Variants in LRRC27 observed in about 807,000 individuals in gnomAD.
LRRC27 encodes leucine rich repeat containing 27.
Under a neutral mutation model 55.0 loss-of-function variants are expected in LRRC27, and 57 were observed. The ratio of observed to expected loss-of-function variants is 1.04; its 90% CI spans 0.84 to 1.29. LRRC27 has a LOEUF of 1.29. Ranked by LOEUF, LRRC27 falls within the 50% of genes most tolerant of loss-of-function variation. LRRC27 has a pLI of 0.00. For synonymous variants in LRRC27, 278 were observed against 251.9 expected, an observed-to-expected ratio of 1.10 and a Z score of -0.98; for missense variants, 721 against 651.5, an observed-to-expected ratio of 1.11 and a Z score of -1.16.
intron 5 of LRRC27, among the ~76,000 whole-genome samples, chr10:132,346,273 G>C (rs1328873286): frequency 1.3e-5 from 2 of 150,712 alleles, no homozygotes; most frequent in African/African-American, 2.5e-5. Flanking sequence ...TTAAGTAACT[G>C]GTCAAAAATA....
chr10:132,360,536 G>A (rs999101683), intron 8 of LRRC27, among the ~76,000 whole-genome samples: 9 of 152,148 alleles, frequency 5.9e-5, no homozygotes, highest in Non-Finnish European at 1.2e-4. Flanking sequence ...TGGTGGGGTG[G>A]GAGGGATAGG....
intron 8 of LRRC27, among the ~76,000 whole-genome samples, chr10:132,360,937 C>T (rs937167962): frequency 6.6e-6 from 1 of 152,224 alleles, no homozygotes; most frequent in African/African-American, 2.4e-5. Flanking sequence ...CACATGTGTC[C>T]ACTGGAGGCA....
intron 8 of LRRC27, among the ~76,000 whole-genome samples, 181 bp downstream of exon 8, chr10:132,356,067 C>T (rs1443278948): frequency 6.6e-6 from 1 of 151,304 alleles, no homozygotes; most frequent in Non-Finnish European, 1.5e-5. Context: ...GTGCAGGCTG[C>T]TGGCTGGTGG....
chr10:132,346,986 A>G (rs2698772), intron 5 of LRRC27, among the ~76,000 whole-genome samples: 62,563 of 152,080 alleles, frequency 0.41, 13,197 homozygotes, highest in African/African-American at 0.48. Context: ...CTGGGGTCTC[A>G]CTCAGCCTTC....
intron 6 of LRRC27, chr10:132,349,060 A>G (rs778514431): frequency 1.9e-6 from 3 of 1,600,598 alleles, no homozygotes; most frequent in East Asian, 4.5e-5. Flanking sequence ...TATGGGAGGT[A>G]TGTATCTGTG....
chr10:132,351,944 G>A lies in LRRC27; in HGVS notation c.1073+191G>A, dbSNP rs564888676. Reference sequence around the variant, plus strand: ...TGCCCCTTGTGGTCTGTAGCGCCACGCACGGGCTCGCTTGTTTGCAGCCCT... The same window carrying A: ...TGCCCCTTGTGGTCTGTAGCGCCACACACGGGCTCGCTTGTTTGCAGCCCT... On this transcript the variant is annotated intron_variant, in intron 7 of 10. Transcript: ENST00000368614. 2.5e-4 allele frequency among the ~76,000 whole-genome samples: 38 copies of A among 152,376 alleles called. No individual in the cohort carries two copies. The South Asian group carries it at 6.4e-3, about 26-fold the overall frequency.
At chr10:132,359,115 C>G (rs865977587) in intron 8 of LRRC27, among the ~76,000 whole-genome samples, 4 of 85,094 alleles carry the variant, frequency 4.7e-5, no homozygotes, top group Admixed American at 2.7e-4. Flanking sequence ...GGGGAGGAGC[C>G]GAGGTGGTGG....
At position 132,380,022 on chromosome 10, in the gene LRRC27, T is replaced by C. The variant is rs1473357510; in HGVS notation, c.*4780T>C. On this transcript the variant is annotated 3_prime_UTR_variant, in exon 11 of 11. Transcript: ENST00000368614. ...CCGTAAAGATGCAGCATTGGCCGAG[T>C]GCAGTGGCTCACGCCTGTAATCCCA... 2 of 152,004 alleles carry C rather than the reference T, an allele frequency of 1.3e-5. No homozygotes were observed. Among genetic ancestry groups the C allele is most frequent in the African/African-American group, 4.8e-5 (2 of 41,314 alleles). The allele number at this position is 152,004 out of a possible 1,614,324, so 9.4% of individuals were successfully genotyped here. A position where few individuals can be genotyped will look rare whatever the true frequency, so the allele number is the denominator to read the frequency against.
In LRRC27 at chr10:132,348,096, G is replaced by A. The variant is rs774605504; in HGVS notation, c.666G>A (p.Gly222=). The change falls in exon 6 of 11, where the codon GGG becomes GGA. Residue 222 remains glycine (G), a synonymous_variant. Transcript: ENST00000368614. This position sits in a 1 kb window ranked among gnomAD's most constrained non-coding sequence, Gnocchi z 4.2. The part of the protein sequence containing the change: ...QGAVNAQDPE[G]AVMKEKASFL... ...CTGTGAACGCTCAGGACCCAGAGGGGGCTGTGATGAAAGAGAAGGCCAGCT... is the reference window on the plus strand; with the variant it reads ...CTGTGAACGCTCAGGACCCAGAGGGAGCTGTGATGAAAGAGAAGGCCAGCT... 11 of 1,614,108 alleles carry A rather than the reference G, an allele frequency of 6.8e-6. No individual in the cohort carries two copies. In the Admixed American group the frequency reaches 1.2e-4, roughly 17 times the overall value.
At position 132,380,706 on chromosome 10, in the gene LRRC27, C is replaced by T. The variant is rs986022775; in HGVS notation, c.*5464C>T. Among the ~76,000 whole-genome samples the T allele has an allele frequency of 1.3e-5, 2 of 152,130 alleles. No homozygotes were observed. Among genetic ancestry groups the T allele is most frequent in the African/African-American group, 2.4e-5 (1 of 41,430 alleles). On this transcript the variant is annotated 3_prime_UTR_variant, in exon 11 of 11. Coordinates refer to ENST00000368614, the MANE Select transcript of LRRC27 (RefSeq NM_030626.3). ...GTTCTTGTGTATTTTTCATGTTGAG[C>T]GCAATACTGTAAACCTTGAAGAACA...
chr10:132,370,604 G>A (rs1167976544), intron 10 of LRRC27, among the ~76,000 whole-genome samples: 1 of 152,230 alleles, frequency 6.6e-6, no homozygotes, highest in Non-Finnish European at 1.5e-5. Flanking sequence ...CTCTCACAGA[G>A]CGCCGGGCGG....
At chr10:132,342,419 C>T (rs2067457905) in intron 4 of LRRC27, 148 bp downstream of exon 4, 1 of 602,690 alleles carries the variant, frequency 1.7e-6, no homozygotes, top group African/African-American at 1.9e-5. Context: ...TAATGTAGCT[C>T]TCAAGAACTG....
Position 132,362,757 on chromosome 10 carries a change from T to G in LRRC27, c.1289+1182T>G, listed in dbSNP as rs2133049166. On this transcript the variant is annotated intron_variant, in intron 9 of 10. Transcript: ENST00000368614. ...CTCACCCTTCTCACCTCACACCAGC[T>G]CGGGGGGCCAGGGTTCATGAACCCT... 2.0e-5 allele frequency among the ~76,000 whole-genome samples: 2 copies of G among 102,508 alleles called. 1 individual carries two copies. 67.2% of individuals were successfully genotyped at this position (102,508 alleles called of 152,430 possible). A position where few individuals can be genotyped will look rare whatever the true frequency, so the allele number is the denominator to read the frequency against.
chr10:132,342,092 G>A, intron 3 of LRRC27, 121 bp from the exon 4 acceptor site: 1 of 627,156 alleles, frequency 1.6e-6, no homozygotes, highest in Non-Finnish European at 2.7e-6. Context: ...GTAAATTTAA[G>A]TGTATCTGTA....
upstream of LRRC27, chr10:132,331,917 C>CCCCCCCACCGCAAGCGCAA: frequency 5.4e-6 from 2 of 367,834 alleles, no homozygotes; most frequent in Admixed American, 5.6e-5. Flanking sequence ...CGCACCACAA[C>CCCCCCCACCGCAAGCGCAA]CCCCCCACCG....
At chr10:132,363,062 C>T (rs1484147472) in intron 9 of LRRC27, among the ~76,000 whole-genome samples, 1 of 123,262 alleles carries the variant, frequency 8.1e-6, no homozygotes, top group Non-Finnish European at 1.8e-5. Flanking sequence ...CCCTTCTCAC[C>T]TCACACCAGC....
chr10:132,335,755 A>AT (rs1225701928), intron 2 of LRRC27, among the ~76,000 whole-genome samples: 1 of 152,072 alleles, frequency 6.6e-6, no homozygotes. Context: ...GTCCTGCTTT[A>AT]TTTTGTCGTG....
In LRRC27 at chr10:132,348,515, G is replaced by T. The variant is rs997408263; in HGVS notation, c.926+159G>T. ...GCCGGTCCCAGGTTTAGGGTAACGG[G>T]GACCCGCATCAAGCCCGGAGCATCT... is the stretch of plus-strand genomic sequence containing the variant. On this transcript the variant is annotated intron_variant, in intron 6 of 10. Coordinates refer to ENST00000368614, the MANE Select transcript of LRRC27 (RefSeq NM_030626.3). This position sits in a 1 kb window ranked among gnomAD's most constrained non-coding sequence, Gnocchi z 4.2. 6.6e-6 allele frequency among the ~76,000 whole-genome samples: 1 copy of T among 152,194 alleles called. No homozygotes were observed. Among genetic ancestry groups the T allele is most frequent in the African/African-American group, 2.4e-5 (1 of 41,434 alleles).
At chr10:132,363,572 G>T (rs977511459) in intron 9 of LRRC27, among the ~76,000 whole-genome samples, 2 of 152,190 alleles carry the variant, frequency 1.3e-5, no homozygotes, top group Non-Finnish European at 2.9e-5. Context: ...AGACCCCAGG[G>T]CATGAGCACT....
Sources: gnomAD v4.1 joint callset for allele counts (sites outside exome capture counted in the v4.1 genomes callset) on GRCh38, gnomAD v4.1.1 for gene constraint, Gnocchi (gnomAD v3.1) non-coding constraint, MANE v1.5 for transcripts, NCBI Gene and HGNC (gene_info 2026-07-23, HGNC 2026-07-21) for gene names.